KLF11: variants seen among roughly 807,000 people sequenced by gnomAD.
The protein encoded by KLF11 is Krueppel-like factor 11.
Under a neutral mutation model 29.9 loss-of-function variants are expected in KLF11, and 26 were observed. The ratio of observed to expected loss-of-function variants is 0.87; its 90% confidence interval spans 0.64 to 1.21. The LOEUF (loss-of-function observed/expected upper bound fraction) is 1.21, where lower values mean the gene tolerates loss of function less well. KLF11 is among the 50% of genes most tolerant of loss of function. The pLI, the probability that KLF11 is intolerant of heterozygous loss-of-function variation, is 0.00. For missense variants in KLF11, 778 were observed against 665.7 expected, an observed-to-expected ratio of 1.17 and a Z score of -1.86; for synonymous variants, 318 against 257.4, an observed-to-expected ratio of 1.24 and a Z score of -2.25.
chr2:10,046,022 T>C, intron 1 of KLF11, 128 bp from the exon 2 acceptor site: 1 of 1,066,016 alleles, frequency 9.4e-7, no homozygotes, highest in Non-Finnish European at 1.5e-6. Context: ...CGGTGTTTGT[T>C]GCTATAGACT....
At chr2:10,045,025 A>G (rs1267872421) in intron 1 of KLF11, among the ~76,000 whole-genome samples, 1 of 152,188 alleles carries the variant, frequency 6.6e-6, no homozygotes, top group Admixed American at 6.5e-5. Flanking sequence ...GGGCGCCTGT[A>G]ATCCCAGCTA....
rs1270552432 is a variant in KLF11 at position 10,043,616 on chromosome 2, C to T, written c.-101C>T. 7 of 828,784 alleles carry T rather than the reference C, an allele frequency of 8.4e-6. No homozygotes were observed. The highest frequency in any genetic ancestry group is 4.2e-5 in the African/African-American group (2 of 47,818). 51.3% of individuals were successfully genotyped at this position (828,784 alleles called of 1,614,324 possible). ...AGGCGCGTGCCGGCCGCAGGAGCTC[C>T]GGGTTGCCGCCGCCGCCGCCGCCCG... is the stretch of plus-strand genomic sequence containing the variant. On this transcript the variant is annotated 5_prime_UTR_variant, in exon 1 of 4. Transcript: ENST00000305883.
Position 10,052,717 on chromosome 2 carries a change from T to G in KLF11, c.*210T>G, listed in dbSNP as rs1177449106. 2 of 451,696 alleles carry G rather than the reference T, an allele frequency of 4.4e-6. No individual in the cohort carries two copies. Among genetic ancestry groups the G allele is most frequent in the Non-Finnish European group, 7.5e-6 (2 of 268,138 alleles). The allele number at this position is 451,696 out of a possible 1,614,324, so 28.0% of individuals were successfully genotyped here. A position where few individuals can be genotyped will look rare whatever the true frequency, so the allele number is the denominator to read the frequency against. On this transcript the variant is annotated 3_prime_UTR_variant, in exon 4 of 4. Coordinates refer to ENST00000305883, the MANE Select transcript of KLF11 (RefSeq NM_003597.5). ...TCTTTTGTAGTTTCAGAAGTTTTTTTGTTTTGGTTTTTTTTTTAAAGAAAT... is the reference window on the plus strand; with the variant it reads ...TCTTTTGTAGTTTCAGAAGTTTTTTGGTTTTGGTTTTTTTTTTAAAGAAAT...
At chr2:10,044,317 C>T (rs1039797899) in intron 1 of KLF11, 15 of 985,348 alleles carry the variant, frequency 1.5e-5, no homozygotes, top group African/African-American at 3.5e-5. Flanking sequence ...GAGGCGGGAA[C>T]GCGGCACGCG....
At chr2:10,048,665 C>T (rs1661311571) in intron 3 of KLF11, 70 bp downstream of exon 3, 2 of 1,229,592 alleles carry the variant, frequency 1.6e-6, no homozygotes, top group Non-Finnish European at 1.2e-6. Context: ...CTTGAGCCGC[C>T]TTTGGCTGGG....
chr2:10,043,897 TGG>T, intron 1 of KLF11, 139 bp downstream of exon 1: 1 of 1,033,546 alleles, frequency 9.7e-7, no homozygotes, highest in Non-Finnish European at 1.2e-6. Flanking sequence ...GGTAGGGGCC[TGG>T]GCGGGCTCCG....
At chr2:10,051,386 T>C (rs1273121907) in intron 3 of KLF11, among the ~76,000 whole-genome samples, 1 of 152,132 alleles carries the variant, frequency 6.6e-6, no homozygotes, top group African/African-American at 2.4e-5. Context: ...TTTTTGTATT[T>C]TTAGTAGAGA....
chr2:10,050,094 C>T (rs1015251714), intron 3 of KLF11, among the ~76,000 whole-genome samples: 1 of 152,192 alleles, frequency 6.6e-6, no homozygotes, highest in Non-Finnish European at 1.5e-5. Flanking sequence ...AAGTTGCTTC[C>T]ATGTTTCCTA....
At chr2:10,044,264 G>C (rs920766885) in intron 1 of KLF11, 6 of 980,524 alleles carry the variant, frequency 6.1e-6, no homozygotes, top group Non-Finnish European at 7.3e-6. Context: ...GCAACGACGG[G>C]AGGCGGGAGC....
chr2:10,047,927 T>G lies in KLF11; in HGVS notation c.590T>G (p.Leu197Arg). 6.2e-7 allele frequency: 1 copy of G among 1,613,874 alleles called. No individual in the cohort carries two copies. The highest frequency in any genetic ancestry group is 8.5e-7 in the Non-Finnish European group (1 of 1,180,030). ...FPTIQTPDCR[L>R]SDSREGEEQL... ...ACCATCCAGACTCCAGATTGCCGGCTTTCTGACAGCAGAGAAGGAGAAGAG... is the reference window on the plus strand; with the variant it reads ...ACCATCCAGACTCCAGATTGCCGGCGTTCTGACAGCAGAGAAGGAGAAGAG... The change falls in exon 3 of 4, where the codon CTT becomes CGT. Residue 197 changes from leucine to arginine, a missense_variant. Coordinates refer to ENST00000305883, the MANE Select transcript of KLF11 (RefSeq NM_003597.5).
At chr2:10,049,707 A>AT in intron 3 of KLF11, among the ~76,000 whole-genome samples, 4 of 152,066 alleles carry the variant, frequency 2.6e-5, no homozygotes, top group East Asian at 3.9e-4. Flanking sequence ...TCCTTCTTTG[A>AT]CCCTAGTGGT....
rs1042920654 is a variant in KLF11 at position 10,043,673 on chromosome 2, C to T, written c.-44C>T. ...ACGTGCGGCCGCTGCTGCGCCCGAG[C>T]TCACGCCCCGCGGCCGCTTTGTTGC... On this transcript the variant is annotated 5_prime_UTR_variant, in exon 1 of 4. Transcript: ENST00000305883. The T allele has an allele frequency of 1.7e-4, 211 of 1,267,778 alleles. No homozygotes were observed. Among genetic ancestry groups the T allele is most frequent in the Non-Finnish European group, 2.1e-4 (209 of 985,980 alleles). The allele number at this position is 1,267,778 out of a possible 1,614,324, so 78.5% of individuals were successfully genotyped here.
At chr2:10,043,989 T>C (rs1261124129) in intron 1 of KLF11, 2 of 828,914 alleles carry the variant, frequency 2.4e-6, no homozygotes, top group Non-Finnish European at 1.5e-6. Flanking sequence ...CGCGCAGCTT[T>C]GTCTTGCGCT....
chr2:10,044,516 C>G, intron 1 of KLF11: 1 of 885,028 alleles, frequency 1.1e-6, no homozygotes, highest in Non-Finnish European at 1.4e-6. Context: ...GCCTGCGGGA[C>G]AGAGGCCGGG....
rs1215747604 is a variant in KLF11 at position 10,046,163 on chromosome 2, A to C, written c.56A>C (p.Asp19Ala). The C allele has an allele frequency of 6.2e-7, 1 of 1,613,848 alleles. No individual in the cohort carries two copies. Among genetic ancestry groups the C allele is most frequent in the Non-Finnish European group, 8.5e-7 (1 of 1,180,022 alleles). ...TGTCGCCTTTAGGTTGACATCATGG[A>C]CATATGTGAGTCCATCCTGGAGAGG... is the stretch of plus-strand genomic sequence containing the variant. ...PDDARAVDIM[D>A]ICESILERKR... is the part of the protein sequence containing the mutation. Residue 19 changes from aspartate to alanine, a missense_variant, in exon 2 of 4, where the codon GAC (aspartate) becomes GCC (alanine). Physicochemically the swap from Asp to Ala is moderately radical, Grantham distance 126 (BLOSUM62 -2). Coordinates refer to ENST00000305883, the MANE Select transcript of KLF11 (RefSeq NM_003597.5).
rs1274774164 is a variant in KLF11 at position 10,048,605 on chromosome 2, G to T, written c.1258+10G>T. Reference sequence around the variant, plus strand: ...CTTCGCACTCACACAGGTAAGCGCTGGGGCAGGTGGGGCATTGGGCACACC... The same window carrying T: ...CTTCGCACTCACACAGGTAAGCGCTTGGGCAGGTGGGGCATTGGGCACACC... On this transcript the variant is annotated intron_variant, in intron 3 of 3. Transcript: ENST00000305883. The T allele has an allele frequency of 6.3e-7, 1 of 1,582,204 alleles. No individual in the cohort carries two copies. Among genetic ancestry groups the T allele is most frequent in the African/African-American group, 1.3e-5 (1 of 74,526 alleles).
rs1261893618 is a variant in KLF11 at position 10,046,361 on chromosome 2, T to C, written c.254T>C (p.Val85Ala). 6.2e-7 allele frequency: 1 copy of C among 1,614,216 alleles called. No homozygotes were observed. Among genetic ancestry groups the C allele is most frequent in the Non-Finnish European group, 8.5e-7 (1 of 1,180,044 alleles). The stretch of plus-strand genomic sequence containing the variant: ...GACTCTGGGGATGTCACCACCACTG[T>C]GCATATGGATGCAGCCACACCTGAA... ...VSDSGDVTTT[V>A]HMDAATPELP... is the part of the protein sequence containing the mutation. The change falls in exon 2 of 4, where the codon GTG (valine) becomes GCG (alanine). Residue 85 changes from valine to alanine, a missense_variant. Val to Ala is a moderately conservative substitution (Grantham distance 64, BLOSUM62 0). Coordinates refer to ENST00000305883, the MANE Select transcript of KLF11 (RefSeq NM_003597.5).
rs762921538 is a variant in KLF11 at position 10,052,338 on chromosome 2, C to T, written c.1370C>T (p.Pro457Leu). 3.4e-5 allele frequency: 55 copies of T among 1,613,960 alleles called. No individual in the cohort carries two copies. The highest frequency in any genetic ancestry group is 1.2e-4 in the Admixed American group (7 of 59,988). ...ACAGGGGAGAAGAAGTTTGTGTGCC[C>T]GGTGTGTGACCGACGTTTCATGCGC... ...THTGEKKFVC[P>L]VCDRRFMRSD... Residue 457 changes from proline to leucine, a missense_variant, in exon 4 of 4, where the codon CCG (proline) becomes CTG (leucine). Pro to Leu is a moderately conservative substitution (Grantham distance 98). Transcript: ENST00000305883.
Position 10,052,224 on chromosome 2 carries a change from CAG to C in KLF11, c.1259-2_1259-1del, listed in dbSNP as rs770555623. ...CTTTAATATGTATTTTCTCACCTCA[CAG>C]GGGAGAAGCCTTTCAACTGCAGCTG... is the stretch of plus-strand genomic sequence containing the variant. On this transcript the variant is annotated splice_acceptor_variant, in intron 3 of 3. Coordinates refer to ENST00000305883, the MANE Select transcript of KLF11 (RefSeq NM_003597.5). LOFTEE classifies it high-confidence loss of function. 24 of 1,613,672 alleles carry C rather than the reference CAG, an allele frequency of 1.5e-5. No homozygotes were observed. The highest frequency in any genetic ancestry group is 2.2e-5 in the East Asian group (1 of 44,896).
Sources: gnomAD v4.1 joint callset for allele counts (sites outside exome capture counted in the v4.1 genomes callset) on GRCh38, gnomAD v4.1.1 for gene constraint, MANE v1.5 for transcripts, NCBI Gene and HGNC (gene_info 2026-07-23, HGNC 2026-07-21) for gene names.